MYOM1: variants seen among roughly 807,000 people sequenced by gnomAD.
MYOM1 encodes the protein myomesin-1.
MYOM1 carries 164 observed loss-of-function variants against 205.3 expected under a neutral mutation model. The ratio of observed to expected loss-of-function variants is 0.80; its 90% confidence interval spans 0.70 to 0.91. The LOEUF (loss-of-function observed/expected upper bound fraction) is 0.91. Ranked by LOEUF, MYOM1 falls within the 40% of genes least tolerant of loss-of-function variation. The pLI is 0.00. For synonymous variants in MYOM1, 772 were observed against 789.4 expected (o/e 0.98, Z 0.37); for missense variants, 2,011 against 2,127.3 (o/e 0.95, Z 1.08).
intron 14 of MYOM1, among the ~76,000 whole-genome samples, chr18:3,136,271 T>C (rs1361363913): frequency 4.6e-5 from 7 of 152,166 alleles, no homozygotes; most frequent in Admixed American, 6.5e-5. Flanking sequence ...AACATGAAAA[T>C]GGACTAATAC....
chr18:3,177,087 A>C (rs1180764266), intron 5 of MYOM1, among the ~76,000 whole-genome samples: 2 of 152,030 alleles, frequency 1.3e-5, no homozygotes, highest in African/African-American at 4.8e-5. Flanking sequence ...ATCTACAAAA[A>C]CTACAAAAAA....
chr18:3,174,021 GC>G, intron 7 of MYOM1, 21 bp from the exon 8 acceptor site: 1 of 1,609,934 alleles, frequency 6.2e-7, no homozygotes, highest in Non-Finnish European at 8.5e-7. Flanking sequence ...AAACAGAAAC[GC>G]ATGTGAACTG....
At chr18:3,149,032 T>C (rs2080178416) in intron 13 of MYOM1, 113 bp downstream of exon 13, 4 of 817,292 alleles carry the variant, frequency 4.9e-6, no homozygotes, top group Non-Finnish European at 8.4e-6. Flanking sequence ...CCAGATATTT[T>C]AGAATGTTCT....
chr18:3,229,144 CT>C, the MYOM1 span, among the ~76,000 whole-genome samples: 3 of 152,202 alleles, frequency 2.0e-5, no homozygotes, highest in African/African-American at 7.2e-5. Flanking sequence ...CTCTCTGTGA[CT>C]TCTTTTGAGA....
chr18:3,096,147 C>A (rs1189674489), intron 25 of MYOM1, among the ~76,000 whole-genome samples: 2 of 152,144 alleles, frequency 1.3e-5, no homozygotes, highest in Non-Finnish European at 2.9e-5. Flanking sequence ...TGTGGCCGTG[C>A]CTACATAGAG....
chr18:3,142,928 T>C lies in MYOM1; in HGVS notation c.1901-865A>G, dbSNP rs189949406. Reference sequence around the variant, plus strand: ...AGGGAGGGAGGAGACTGGAAATACATAGACTCCAGAGGTCAAGAAAAATAA... The same window carrying C: ...AGGGAGGGAGGAGACTGGAAATACACAGACTCCAGAGGTCAAGAAAAATAA... On this transcript the variant is annotated intron_variant, in intron 13 of 37. Coordinates refer to ENST00000356443, the MANE Select transcript of MYOM1 (RefSeq NM_003803.4). Among the ~76,000 whole-genome samples, 8 of 152,250 alleles carry C rather than the reference T, an allele frequency of 5.3e-5. No homozygotes were observed. In the East Asian group the frequency reaches 5.8e-4, roughly 11 times the overall value.
the MYOM1 span, among the ~76,000 whole-genome samples, chr18:3,237,152 C>T: frequency 4.6e-5 from 7 of 152,114 alleles, no homozygotes; most frequent in East Asian, 1.4e-3. Context: ...AAAGTAAAAA[C>T]TAAAATAAAG....
intron 33 of MYOM1, among the ~76,000 whole-genome samples, chr18:3,079,689 A>T (rs1598650535): frequency 6.6e-6 from 1 of 152,128 alleles, no homozygotes; most frequent in African/African-American, 2.4e-5. Flanking sequence ...CTAAAAGGCC[A>T]AACTACATAC....
At chr18:3,201,297 G>T (rs185683867) in intron 2 of MYOM1, among the ~76,000 whole-genome samples, 1 of 152,122 alleles carries the variant, frequency 6.6e-6, no homozygotes, top group African/African-American at 2.4e-5. Flanking sequence ...TACTCAGGAG[G>T]CTGAGGCAGG....
chr18:3,100,008 A>G (rs891445626), intron 25 of MYOM1, 151 bp downstream of exon 25: 4 of 759,770 alleles, frequency 5.3e-6, no homozygotes, highest in Non-Finnish European at 8.7e-6. Flanking sequence ...CATCACTTCT[A>G]GAAAGCACAT....
At chr18:3,180,904 A>G (rs896596889) in intron 5 of MYOM1, among the ~76,000 whole-genome samples, 2 of 151,890 alleles carry the variant, frequency 1.3e-5, no homozygotes, top group African/African-American at 4.8e-5. Flanking sequence ...TCTACCCACA[A>G]ATAATGCACA....
intron 20 of MYOM1, among the ~76,000 whole-genome samples, chr18:3,117,320 G>A (rs1347378738): frequency 6.6e-6 from 1 of 152,208 alleles, no homozygotes; most frequent in Middle Eastern, 3.2e-3. Flanking sequence ...CCCGTAAAGA[G>A]TATGCGCAGC....
At chr18:3,169,769 A>G (rs1332939474) in intron 8 of MYOM1, among the ~76,000 whole-genome samples, 2 of 152,220 alleles carry the variant, frequency 1.3e-5, no homozygotes, top group Non-Finnish European at 2.9e-5. Flanking sequence ...AAATTTCCAT[A>G]TAATCCAGCA....
the MYOM1 span, among the ~76,000 whole-genome samples, chr18:3,230,517 A>G: frequency 6.6e-6 from 1 of 152,250 alleles, no homozygotes; most frequent in Non-Finnish European, 1.5e-5. Context: ...TCATTTGCAT[A>G]GTAGTATAAC....
chr18:3,089,188 G>A lies in MYOM1; in HGVS notation c.4123C>T (p.Leu1375=). 3 of 1,610,166 alleles carry A rather than the reference G, an allele frequency of 1.9e-6. No homozygotes were observed. Among genetic ancestry groups the A allele is most frequent in the Non-Finnish European group, 2.5e-6 (3 of 1,177,216 alleles). Reference sequence around the variant, plus strand: ...CTACCTCTTACCTTGCATTTCAATAGTACATTACATTCACCAGTCACTTCC... The same window carrying A: ...CTACCTCTTACCTTGCATTTCAATAATACATTACATTCACCAGTCACTTCC... ...SWEVTGECNV[L]LKCKVANIKK... is the part of the protein sequence containing the mutation. The change falls in exon 29 of 38, where the codon CTA becomes TTA. Residue 1375 remains leucine (L), a synonymous_variant. Transcript: ENST00000356443.
At position 3,085,250 on chromosome 18, in the gene MYOM1, T is replaced by TGC; in HGVS notation, c.4252-119_4252-118insGC. ...GCTGCTTTTTTTTTTTTTTTTTTTT[T>TGC]TTTTTTTTTTTTTTTTTTTTTTGAG... On this transcript the variant is annotated intron_variant, in intron 30 of 37. Transcript: ENST00000356443. 4 of 311,166 alleles carry TGC rather than the reference T, an allele frequency of 1.3e-5. No homozygotes were observed. In the South Asian group the frequency reaches 2.1e-4, roughly 16 times the overall value. 19.3% of individuals were successfully genotyped at this position (311,166 alleles called of 1,614,324 possible).
At chr18:3,070,299 C>A (rs1385282738) in intron 37 of MYOM1, among the ~76,000 whole-genome samples, 1 of 152,096 alleles carries the variant, frequency 6.6e-6, no homozygotes, top group African/African-American at 2.4e-5. Flanking sequence ...CAGGTGTGCA[C>A]CACCATACCC....
At chr18:3,245,657 T>G in the MYOM1 span, among the ~76,000 whole-genome samples, 1 of 152,304 alleles carries the variant, frequency 6.6e-6, no homozygotes, top group Non-Finnish European at 1.5e-5. Context: ...GACTACACAA[T>G]TCCTGTTCAT....
chr18:3,071,623 T>G (rs1184059944), intron 37 of MYOM1, among the ~76,000 whole-genome samples: 1 of 152,168 alleles, frequency 6.6e-6, no homozygotes, highest in Non-Finnish European at 1.5e-5. Context: ...CCTCCCAGTG[T>G]TGGGATTACA....
Sources: allele counts gnomAD v4.1 joint callset (sites outside exome capture counted in the v4.1 genomes callset), GRCh38; gene constraint gnomAD v4.1.1; transcripts MANE v1.5; gene names NCBI Gene and HGNC (gene_info 2026-07-23, HGNC 2026-07-21).